IKZF1: variants seen among roughly 807,000 people sequenced by gnomAD.
IKZF1 encodes IKAROS family zinc finger 1, also known as DNA-binding protein Ikaros.
IKZF1 carries 10 observed loss-of-function variants against 51.7 expected under a neutral mutation model. That is an observed-to-expected ratio of 0.19 (90% CI 0.12 to 0.33). IKZF1 has a LOEUF of 0.33. Ranked by LOEUF, IKZF1 falls within the 10% of genes least tolerant of loss-of-function variation. The pLI is 1.00. For missense variants in IKZF1, 484 were observed against 707.5 expected (o/e 0.68, Z 3.58); for synonymous variants, 280 against 282.3 (o/e 0.99, Z 0.08).
At chr7:50,360,917 G>A (rs1242482229) in intron 3 of IKZF1, among the ~76,000 whole-genome samples, 1 of 152,242 alleles carries the variant, frequency 6.6e-6, no homozygotes, top group Non-Finnish European at 1.5e-5. Context: ...TGCCCGCCGT[G>A]TGACCCACAC....
intron 1 of IKZF1, among the ~76,000 whole-genome samples, chr7:50,314,570 G>A (rs1328519580): frequency 1.3e-5 from 2 of 152,204 alleles, no homozygotes; most frequent in African/African-American, 4.8e-5. Flanking sequence ...TAGTAAAGTT[G>A]TGATTCTTGA....
Position 50,402,120 on chromosome 7 carries a change from C to T in IKZF1, c.*1493C>T, listed in dbSNP as rs1818235313. 2 of 230,704 alleles carry T rather than the reference C, an allele frequency of 8.7e-6. No individual in the cohort carries two copies. The highest frequency in any genetic ancestry group is 6.1e-5 in the East Asian group (1 of 16,406). 14.3% of individuals were successfully genotyped at this position (230,704 alleles called of 1,614,324 possible). ...AGGTGTGTGGAGATTCTAATCCCAA[C>T]AAGCAAGGGTCTCCTTCAAGATTAA... On this transcript the variant is annotated 3_prime_UTR_variant, in exon 8 of 8. Transcript: ENST00000331340.
At chr7:50,312,082 C>T (rs937541181) in intron 1 of IKZF1, among the ~76,000 whole-genome samples, 7 of 152,102 alleles carry the variant, frequency 4.6e-5, no homozygotes, top group Non-Finnish European at 8.8e-5. Flanking sequence ...CAGCTCCTGA[C>T]CATGCATGAA....
At chr7:50,375,804 A>T (rs945687574) in intron 3 of IKZF1, among the ~76,000 whole-genome samples, 1 of 150,996 alleles carries the variant, frequency 6.6e-6, no homozygotes, top group East Asian at 2.0e-4. Flanking sequence ...TATCCCAATT[A>T]ACCCTTCAGC....
intron 3 of IKZF1, among the ~76,000 whole-genome samples, chr7:50,339,688 G>A (rs1435707814): frequency 1.3e-5 from 2 of 151,808 alleles, no homozygotes; most frequent in African/African-American, 4.8e-5. Flanking sequence ...CGGGAGGCGG[G>A]GGTTGCAGTG....
chr7:50,338,016 CA>C (rs1798184474), intron 3 of IKZF1, among the ~76,000 whole-genome samples: 1 of 152,060 alleles, frequency 6.6e-6, no homozygotes, highest in Non-Finnish European at 1.5e-5. Flanking sequence ...TTCAGAAGGG[CA>C]ATCTTTGGCA....
intron 4 of IKZF1, chr7:50,377,143 C>T (rs914798949): frequency 7.3e-5 from 16 of 218,574 alleles, no homozygotes; most frequent in African/African-American, 3.7e-4. Flanking sequence ...CTCCACAAAA[C>T]AAAAAATCCT....
chr7:50,392,132 C>T (rs1321475092), intron 7 of IKZF1, among the ~76,000 whole-genome samples: 3 of 152,180 alleles, frequency 2.0e-5, no homozygotes, highest in East Asian at 3.9e-4. Context: ...CTCTTAGGGG[C>T]GGCTGCACCA....
At chr7:50,387,890 C>T (rs1813886399) in intron 6 of IKZF1, among the ~76,000 whole-genome samples, 1 of 152,104 alleles carries the variant, frequency 6.6e-6, no homozygotes, top group African/African-American at 2.4e-5. Context: ...CAAATAAGAA[C>T]TTTCAGGCTG....
Position 50,329,169 on chromosome 7 carries a change from T to A in IKZF1, c.160+1412T>A, listed in dbSNP as rs143984880. Among the ~76,000 whole-genome samples the A allele has an allele frequency of 6.1e-3, 932 of 152,210 alleles. 11 individuals carry two copies. Among genetic ancestry groups the A allele is most frequent in the African/African-American group, 0.021 (888 of 41,558 alleles). ...GTGGACTAGGTATAATGGTTCTTTTTTTTTTTAACTCAGCAGCACAGTTAA... is the reference window on the plus strand; with the variant it reads ...GTGGACTAGGTATAATGGTTCTTTTATTTTTTAACTCAGCAGCACAGTTAA... On this transcript the variant is annotated intron_variant, in intron 3 of 7. Transcript: ENST00000331340.
At chr7:50,375,266 C>CAA (rs112338460) in intron 3 of IKZF1, among the ~76,000 whole-genome samples, 35 of 150,480 alleles carry the variant, frequency 2.3e-4, no homozygotes, top group African/African-American at 8.3e-4. Flanking sequence ...CAAAAAACAC[C>CAA]AAAAAAAAAT....
intron 2 of IKZF1, among the ~76,000 whole-genome samples, chr7:50,322,035 G>C (rs1375818427): frequency 2.0e-5 from 3 of 152,146 alleles, no homozygotes; most frequent in Admixed American, 2.0e-4. Flanking sequence ...AGCACTCTAC[G>C]TAATGATGAG....
intron 3 of IKZF1, among the ~76,000 whole-genome samples, chr7:50,365,508 T>C (rs930470656): frequency 2.0e-5 from 3 of 152,218 alleles, no homozygotes; most frequent in East Asian, 1.9e-4. Flanking sequence ...AAGACATACA[T>C]GTGGCCCACA....
chr7:50,383,713 G>T (rs1412158833), intron 5 of IKZF1, among the ~76,000 whole-genome samples: 5 of 152,198 alleles, frequency 3.3e-5, no homozygotes, highest in South Asian at 2.1e-4. Context: ...CCAAGCAGCA[G>T]CCTCTCTAAG....
At chr7:50,386,592 T>C (rs1323204378) in intron 5 of IKZF1, among the ~76,000 whole-genome samples, 1 of 152,078 alleles carries the variant, frequency 6.6e-6, no homozygotes, top group Non-Finnish European at 1.5e-5. Flanking sequence ...TATGTATATG[T>C]ATATGAGAAT....
chr7:50,360,050 C>G (rs1039239149), intron 3 of IKZF1, among the ~76,000 whole-genome samples: 1 of 152,146 alleles, frequency 6.6e-6, no homozygotes, highest in African/African-American at 2.4e-5. Flanking sequence ...TGGCCGAGAG[C>G]GGCGGGATTA....
chr7:50,332,951 T>TC (rs1294650317), intron 3 of IKZF1, among the ~76,000 whole-genome samples: 9 of 152,106 alleles, frequency 5.9e-5, no homozygotes, highest in African/African-American at 2.2e-4. Context: ...TCAGCTTGCA[T>TC]CTCACAGTGT....
At chr7:50,355,618 C>CAAATAAATAAAT (rs1562811093) in intron 3 of IKZF1, among the ~76,000 whole-genome samples, 2 of 52,618 alleles carry the variant, frequency 3.8e-5, no homozygotes, top group Non-Finnish European at 7.8e-5. Flanking sequence ...TGTTAGCTTG[C>CAAATAAATAAAT]GAATAAATAA....
chr7:50,398,031 G>T (rs1817170092), intron 7 of IKZF1, among the ~76,000 whole-genome samples: 1 of 152,196 alleles, frequency 6.6e-6, no homozygotes, highest in East Asian at 1.9e-4. Flanking sequence ...AATGGTCACA[G>T]ATTTTATAAA....
Sources: gnomAD v4.1 joint callset for allele counts (sites outside exome capture counted in the v4.1 genomes callset) on GRCh38, gnomAD v4.1.1 for gene constraint, MANE v1.5 for transcripts, NCBI Gene and HGNC (gene_info 2026-07-23, HGNC 2026-07-21) for gene names.